HBS1L: variants seen among roughly 807,000 people sequenced by gnomAD.
HBS1L encodes HBS1-like protein.
Under a neutral mutation model 88.9 loss-of-function variants are expected in HBS1L, and 55 were observed. The observed-to-expected ratio is 0.62, with a 90% CI of 0.50 to 0.77. HBS1L has a LOEUF of 0.77. Ranked by LOEUF, HBS1L falls within the 30% of genes least tolerant of loss-of-function variation. HBS1L has a pLI of 0.00. For synonymous variants in HBS1L, 267 were observed against 288.5 expected, an observed-to-expected ratio of 0.93 and a Z score of 0.76; for missense variants, 741 against 829.3, an observed-to-expected ratio of 0.89 and a Z score of 1.31.
intron 4 of HBS1L, among the ~76,000 whole-genome samples, chr6:135,013,757 T>C (rs1775839463): frequency 6.6e-6 from 1 of 152,204 alleles, no homozygotes; most frequent in African/African-American, 2.4e-5. Flanking sequence ...TTCATATCCT[T>C]GGGTTCTGCA....
At chr6:135,005,965 T>C (rs140190076) in intron 4 of HBS1L, among the ~76,000 whole-genome samples, 57 of 152,290 alleles carry the variant, frequency 3.7e-4, no homozygotes, top group Non-Finnish European at 6.8e-4. Flanking sequence ...AAGTTGAACA[T>C]TTAAAAAATT....
rs1279798734 is a variant in HBS1L at position 135,042,097 on chromosome 6, T to A, written c.139A>T (p.Lys47Ter). 1 of 1,613,040 alleles carries A rather than the reference T, an allele frequency of 6.2e-7. No individual in the cohort carries two copies. The highest frequency in any genetic ancestry group is 8.5e-7 in the Non-Finnish European group (1 of 1,179,498). The stretch of plus-strand genomic sequence containing the variant: ...TCTTCCACAGGCTCAACGGAAGGTT[T>A]GTCACGCCGTGAATAAATAAACTGA... ...AAQFIYSRRDKPSVEPVEEYD... is the reference protein window; with the variant it reads ...AAQFIYSRRD The change falls in exon 3 of 18, where the codon AAA (lysine) becomes TAA (stop). Residue 47 changes from lysine to a stop codon, truncating the protein, a stop_gained. Coordinates refer to ENST00000367837, the MANE Select transcript of HBS1L (RefSeq NM_006620.4). LOFTEE classifies it high-confidence loss of function.
At position 134,978,550 on chromosome 6, in the gene HBS1L, G is replaced by T. The variant is rs78503088; in HGVS notation, c.1797+129C>A. The T allele has an allele frequency of 9.6e-4, 461 of 482,360 alleles. 3 individuals are homozygous for T. Among genetic ancestry groups the T allele is most frequent in the African/African-American group, 4.2e-3 (210 of 49,738 alleles). 29.9% of individuals were successfully genotyped at this position (482,360 alleles called of 1,614,324 possible). A position where few individuals can be genotyped will look rare whatever the true frequency, so the allele number is the denominator to read the frequency against. ...CGATTTTCTAATTATAAGTTTTTCT[G>T]GATTACAGTAATAAGATGTTAATTC... On this transcript the variant is annotated intron_variant, in intron 15 of 17. Transcript: ENST00000367837.
chr6:134,974,896 G>A (rs1774599009), intron 15 of HBS1L, among the ~76,000 whole-genome samples: 1 of 152,152 alleles, frequency 6.6e-6, no homozygotes, highest in Non-Finnish European at 1.5e-5. Flanking sequence ...ACACAGTACT[G>A]GAAGTCCTAG....
chr6:135,035,569 T>C (rs1307119784), intron 4 of HBS1L, among the ~76,000 whole-genome samples: 1 of 149,902 alleles, frequency 6.7e-6, no homozygotes, highest in Non-Finnish European at 1.5e-5. Flanking sequence ...TGAAACCCCA[T>C]CTCTACTAAA....
chr6:135,011,071 C>A (rs550313570), intron 4 of HBS1L, among the ~76,000 whole-genome samples: 3 of 152,246 alleles, frequency 2.0e-5, no homozygotes, highest in African/African-American at 7.2e-5. Flanking sequence ...ACTGGGAACA[C>A]TGGCAATTCA....
intron 7 of HBS1L, 149 bp from the exon 8 acceptor site, chr6:134,994,024 C>T (rs1309048427): frequency 2.4e-6 from 1 of 416,970 alleles, no homozygotes; most frequent in Non-Finnish European, 4.3e-6. Context: ...AATTATCAAT[C>T]GGGGCTGGAA....
In HBS1L at chr6:134,997,463, T is replaced by C. The variant is rs1562287442; in HGVS notation, c.733A>G (p.Ile245Val). 1 of 1,614,078 alleles carries C rather than the reference T, an allele frequency of 6.2e-7. No homozygotes were observed. The change falls in exon 6 of 18, where the codon ATA becomes GTA. Residue 245 changes from isoleucine to valine, a missense_variant. Physicochemically the swap from Ile to Val is conservative, Grantham distance 29. Around this residue, in one of 3 missense-constraint regions of HBS1L, gnomAD observed 556 missense variants for 598.4 expected, o/e 0.93. Coordinates refer to ENST00000367837, the MANE Select transcript of HBS1L (RefSeq NM_006620.4). The stretch of plus-strand genomic sequence containing the variant: ...TTCTCCAGTTCCGCCTTCACATCTA[T>C]TTGCTGCCTCAGCTTGCCAGACTTT... ...VKKSGKLRQQ[I>V]DVKAELEKRQ... is the part of the protein sequence containing the mutation.
intron 4 of HBS1L, among the ~76,000 whole-genome samples, chr6:135,007,674 T>G (rs1239437171): frequency 6.6e-6 from 1 of 152,158 alleles, no homozygotes; most frequent in South Asian, 2.1e-4. Context: ...AGAAAGGAAC[T>G]CATAACTAAA....
At chr6:135,037,046 TCTTA>T in intron 4 of HBS1L, 1 of 1,551,728 alleles carries the variant, frequency 6.4e-7, no homozygotes, top group Non-Finnish European at 8.7e-7. Context: ...AAGGACTCTT[TCTTA>T]ATCTGAGAGT....
At chr6:135,024,419 G>C (rs1245160119) in intron 4 of HBS1L, among the ~76,000 whole-genome samples, 1 of 123,916 alleles carries the variant, frequency 8.1e-6, no homozygotes, top group Non-Finnish European at 1.6e-5. Flanking sequence ...AAGCCTGGGT[G>C]ACAGAGTGAG....
At chr6:135,022,861 T>C (rs1776110651) in intron 4 of HBS1L, among the ~76,000 whole-genome samples, 1 of 151,782 alleles carries the variant, frequency 6.6e-6, no homozygotes, top group Admixed American at 6.6e-5. Flanking sequence ...ACTTTTCAAA[T>C]TAATCACAGG....
rs756825195 is a variant in HBS1L, at chr6:135,042,825, ACAAAAAAAAAAAAC to A, written c.110-713_110-700del. Among the ~76,000 whole-genome samples the A allele has an allele frequency of 9.5e-3, 404 of 42,664 alleles. 1 individual carries two copies. Among genetic ancestry groups the A allele is most frequent in the African/African-American group, 0.02 (302 of 14,828 alleles). 28.0% of individuals were successfully genotyped at this position (42,664 alleles called of 152,430 possible). The stretch of plus-strand genomic sequence containing the variant: ...CAAAACTCCGTCTCAAAAAAAAAAA[ACAAAAAAAAAAAAC>A]AGAAAAGAAAACACATGAAGTGCTA... On this transcript the variant is annotated intron_variant, in intron 2 of 17. Transcript: ENST00000367837.
chr6:135,036,887 G>T (rs1583146703), intron 4 of HBS1L: 1 of 1,551,478 alleles, frequency 6.4e-7, no homozygotes. Flanking sequence ...TTCTTCCCTA[G>T]CTTTGAACTT....
At chr6:135,002,200 G>A (rs529912165) in intron 5 of HBS1L, among the ~76,000 whole-genome samples, 55 of 152,014 alleles carry the variant, frequency 3.6e-4, no homozygotes, top group African/African-American at 1.3e-3. Flanking sequence ...ACCAAGGTAT[G>A]GTTTATTTCC....
intron 15 of HBS1L, among the ~76,000 whole-genome samples, chr6:134,975,164 A>G (rs1187432624): frequency 1.3e-5 from 2 of 152,148 alleles, no homozygotes; most frequent in African/African-American, 4.8e-5. Flanking sequence ...TACAATAGCT[A>G]CAAAACCAAC....
chr6:135,017,236 T>C (rs1775948090), intron 4 of HBS1L, among the ~76,000 whole-genome samples: 1 of 152,152 alleles, frequency 6.6e-6, no homozygotes, highest in Admixed American at 6.5e-5. Flanking sequence ...CCCATACAGA[T>C]AGATCATTTA....
intron 4 of HBS1L, among the ~76,000 whole-genome samples, chr6:135,030,951 G>A (rs765800708): frequency 3.2e-4 from 49 of 152,196 alleles, no homozygotes; most frequent in Middle Eastern, 3.4e-3. Context: ...AGAAGGTGAC[G>A]TCGGCCTTTT....
chr6:135,000,414 C>G (rs942171788), intron 5 of HBS1L, among the ~76,000 whole-genome samples: 1 of 151,738 alleles, frequency 6.6e-6, no homozygotes, highest in African/African-American at 2.4e-5. Context: ...TCTAAACTAC[C>G]TTTCTAAAAG....
Sources: gnomAD v4.1 joint callset for allele counts (sites outside exome capture counted in the v4.1 genomes callset) on GRCh38, gnomAD v4.1.1 for gene constraint, gnomAD v4.1.1 regional missense constraint, MANE v1.5 for transcripts, NCBI Gene and HGNC (gene_info 2026-07-23, HGNC 2026-07-21) for gene names.